Variants in IPO7 observed in about 807,000 individuals in gnomAD.
IPO7 encodes the protein importin 7.
In IPO7, 13 loss-of-function variants were observed where a neutral mutation model predicts 136.4. That is an observed-to-expected ratio of 0.10 (90% CI 0.06 to 0.15). The LOEUF is 0.15. Among genes scored for constraint, IPO7 ranks in the 10% least tolerant of loss-of-function variants. IPO7 has a pLI of 1.00. For synonymous variants in IPO7, 403 were observed against 404.4 expected (o/e 1.00, Z 0.04); for missense variants, 857 against 1,240.6 (o/e 0.69, Z 4.65).
rs1855541937 is a variant in IPO7, at chr11:9,447,255, A to C, written c.*2061A>C. ...TTAGTTATTCCCATGCACAGTATGAAAATTCTCATTTGCTGAGGTTTTGTT... is the reference window on the plus strand; with the variant it reads ...TTAGTTATTCCCATGCACAGTATGACAATTCTCATTTGCTGAGGTTTTGTT... On this transcript the variant is annotated 3_prime_UTR_variant, in exon 25 of 25. Transcript: ENST00000379719. 6.6e-6 allele frequency: 1 copy of C among 152,184 alleles called. No homozygotes were observed. The highest frequency in any genetic ancestry group is 2.4e-5 in the African/African-American group (1 of 41,448). The allele number at this position is 152,184 out of a possible 1,614,324, so 9.4% of individuals were successfully genotyped here. A position where few individuals can be genotyped will look rare whatever the true frequency, so the allele number is the denominator to read the frequency against.
chr11:9,405,885 T>G (rs943071728), intron 2 of IPO7, among the ~76,000 whole-genome samples: 68 of 151,856 alleles, frequency 4.5e-4, no homozygotes, highest in African/African-American at 1.6e-3. Flanking sequence ...CTTTCCCTCC[T>G]TCTCTTCCTT....
At chr11:9,425,047 A>G (rs1340240202) in intron 11 of IPO7, 57 bp downstream of exon 11, 6 of 1,345,646 alleles carry the variant, frequency 4.5e-6, no homozygotes, top group Non-Finnish European at 6.3e-6. Context: ...TTATTCAACT[A>G]TACACTTTTT....
chr11:9,417,276 A>G (rs575611016), intron 6 of IPO7, 128 bp downstream of exon 6: 87 of 484,324 alleles, frequency 1.8e-4, no homozygotes, highest in African/African-American at 1.6e-3. Context: ...TTTTTTCTAG[A>G]TTAGAGGTAC....
chr11:9,429,597 A>G (rs1855264036), intron 14 of IPO7, 77 bp from the exon 15 acceptor site: 1 of 1,191,186 alleles, frequency 8.4e-7, no homozygotes, highest in Non-Finnish European at 1.2e-6. Flanking sequence ...TTTTTAAAAA[A>G]CTCATCGATA....
intron 1 of IPO7, among the ~76,000 whole-genome samples, chr11:9,399,471 G>A (rs1854763102): frequency 6.6e-6 from 1 of 152,096 alleles, no homozygotes; most frequent in Non-Finnish European, 1.5e-5. Context: ...GCATTTTAAA[G>A]AAGGATTTTG....
chr11:9,440,971 T>G (rs1417138186), intron 23 of IPO7, among the ~76,000 whole-genome samples: 1 of 152,230 alleles, frequency 6.6e-6, no homozygotes, highest in Non-Finnish European at 1.5e-5. Context: ...AAGTAACCAC[T>G]CTTACGTGTA....
intron 13 of IPO7, 78 bp from the exon 14 acceptor site, chr11:9,428,953 A>G (rs755594052): frequency 1.5e-6 from 2 of 1,303,254 alleles, no homozygotes; most frequent in East Asian, 4.6e-5. Context: ...TCCCACACAC[A>G]GAACTCAGGG....
At chr11:9,434,807 C>A (rs1038098592) in intron 18 of IPO7, 127 bp from the exon 19 acceptor site, 7 of 691,178 alleles carry the variant, frequency 1.0e-5, no homozygotes, top group African/African-American at 9.0e-5. Context: ...CCCCTCCCCC[C>A]AAAAAAAGGT....
At chr11:9,411,285 T>G (rs1333964227) in intron 4 of IPO7, among the ~76,000 whole-genome samples, 1 of 152,184 alleles carries the variant, frequency 6.6e-6, no homozygotes, top group Non-Finnish European at 1.5e-5. Context: ...CACAAGGTGT[T>G]CACAAGGGAT....
chr11:9,432,880 ATGCCTTCCTTC>A (rs1357305799), intron 16 of IPO7, among the ~76,000 whole-genome samples: 12 of 152,200 alleles, frequency 7.9e-5, no homozygotes, highest in African/African-American at 2.9e-4. Flanking sequence ...CGTAGCAATA[ATGCCTTCCTTC>A]GGATAATTTC....
Position 9,410,286 on chromosome 11 carries a change from C to G in IPO7, c.479+200C>G, listed in dbSNP as rs576352757. Reference sequence around the variant, plus strand: ...TTTTCTTTATTCTACTAAGAAACTCCTTGCACCCTTTTTTCTTAATCACCG... The same window carrying G: ...TTTTCTTTATTCTACTAAGAAACTCGTTGCACCCTTTTTTCTTAATCACCG... On this transcript the variant is annotated intron_variant, in intron 4 of 24. Coordinates refer to ENST00000379719, the MANE Select transcript of IPO7 (RefSeq NM_006391.3). Among the ~76,000 whole-genome samples, 6 of 152,192 alleles carry G rather than the reference C, an allele frequency of 3.9e-5. No homozygotes were observed. The South Asian group carries it at 1.0e-3, about 26-fold the overall frequency.
intron 8 of IPO7, among the ~76,000 whole-genome samples, chr11:9,421,241 A>G (rs2133748458): frequency 6.6e-6 from 1 of 150,732 alleles, no homozygotes; most frequent in East Asian, 2.0e-4. Flanking sequence ...GATTACAGGC[A>G]TGAACCCCCA....
chr11:9,424,615 G>T (rs1371603035), intron 10 of IPO7, among the ~76,000 whole-genome samples: 1 of 152,042 alleles, frequency 6.6e-6, no homozygotes, highest in African/African-American at 2.4e-5. Context: ...GTGGTGGCAG[G>T]CACCTGTAAA....
chr11:9,401,561 TAA>T (rs11330854), intron 1 of IPO7, among the ~76,000 whole-genome samples: 8,378 of 139,884 alleles, frequency 0.06, 305 homozygotes, highest in South Asian at 0.088. Flanking sequence ...AACAAAAAAT[TAA>T]AAAAAAAAAA....
At chr11:9,416,674 A>T (rs1855046344) in intron 5 of IPO7, among the ~76,000 whole-genome samples, 1 of 152,226 alleles carries the variant, frequency 6.6e-6, no homozygotes, top group Non-Finnish European at 1.5e-5. Context: ...CATCACGTTA[A>T]AATAGAGACC....
intron 4 of IPO7, among the ~76,000 whole-genome samples, chr11:9,413,828 GATAA>G (rs1855002265): frequency 6.6e-6 from 1 of 151,582 alleles, no homozygotes; most frequent in Non-Finnish European, 1.5e-5. Flanking sequence ...AGTAGCAGCT[GATAA>G]ATAAAAAATT....
intron 6 of IPO7, among the ~76,000 whole-genome samples, chr11:9,419,586 A>ATG: frequency 7.0e-6 from 1 of 143,354 alleles, no homozygotes; most frequent in Non-Finnish European, 1.5e-5. Context: ...ATATATATAT[A>ATG]TGTTATGGAT....
rs1434841810 is a variant in IPO7, at chr11:9,446,591, A to AT, written c.*1403dup. 2.0e-5 allele frequency: 3 copies of AT among 152,208 alleles called. No homozygotes were observed. Among genetic ancestry groups the AT allele is most frequent in the Non-Finnish European group, 2.9e-5 (2 of 68,044 alleles). The allele number at this position is 152,208 out of a possible 1,614,324, so 9.4% of individuals were successfully genotyped here. On this transcript the variant is annotated 3_prime_UTR_variant, in exon 25 of 25. Coordinates refer to ENST00000379719, the MANE Select transcript of IPO7 (RefSeq NM_006391.3). ...GGTCAGATGAGTCATACATTGGGTTATTTTTTATATACATGTATACACAAA... is the reference window on the plus strand; with the variant it reads ...GGTCAGATGAGTCATACATTGGGTTATTTTTTTATATACATGTATACACAAA...
intron 1 of IPO7, among the ~76,000 whole-genome samples, chr11:9,389,775 T>G (rs1590423604): frequency 2.0e-5 from 3 of 152,276 alleles, no homozygotes; most frequent in South Asian, 4.1e-4. Context: ...CTTTTTTTTT[T>G]TTTGAGTGGA....
Sources: allele counts gnomAD v4.1 joint callset (sites outside exome capture counted in the v4.1 genomes callset), GRCh38; gene constraint gnomAD v4.1.1; transcripts MANE v1.5; gene names NCBI Gene and HGNC (gene_info 2026-07-23, HGNC 2026-07-21).